The following PLB1 variants were observed in gnomAD, a reference collection of about 807,000 sequenced individuals.
PLB1 encodes the protein phospholipase B1, also known as phospholipase B1, membrane-associated.
PLB1 carries 242 observed loss-of-function variants against 227.4 expected under a neutral mutation model. The observed-to-expected ratio is 1.06, with a 90% CI of 0.96 to 1.18. The LOEUF is 1.18. Ranked by LOEUF, PLB1 falls within the 50% of genes most tolerant of loss-of-function variation. The pLI, the probability that PLB1 is intolerant of heterozygous loss-of-function variation, is 0.00. For missense variants in PLB1, 1,858 were observed against 1,816.3 expected (o/e 1.02, Z -0.42); for synonymous variants, 757 against 682.2 (o/e 1.11, Z -1.71).
At chr2:28,628,979 C>A in intron 52 of PLB1, 115 bp from the exon 53 acceptor site, 1 of 821,462 alleles carries the variant, frequency 1.2e-6, no homozygotes, top group Non-Finnish European at 1.9e-6. Flanking sequence ...CCTCTCTGGG[C>A]CTCAGTTTCT....
Position 28,636,399 on chromosome 2 carries a change from C to T in PLB1, c.4098+3360C>T, listed in dbSNP as rs72850499. Among the ~76,000 whole-genome samples the T allele has an allele frequency of 3.0e-3, 450 of 152,216 alleles. 4 individuals are homozygous for T. Among genetic ancestry groups the T allele is most frequent in the African/African-American group, 0.01 (426 of 41,530 alleles). On this transcript the variant is annotated intron_variant, in intron 56 of 57. Coordinates refer to ENST00000327757, the MANE Select transcript of PLB1 (RefSeq NM_153021.5). ...TTTTAAAACAATTAGTGCCTACAGC[C>T]ACTTTGGAAAATTCTTTGGTATATT...
intron 6 of PLB1, among the ~76,000 whole-genome samples, chr2:28,528,206 C>T (rs1023343637): frequency 1.3e-5 from 2 of 152,192 alleles, no homozygotes; most frequent in Admixed American, 6.5e-5. Context: ...TGTCAGCCTC[C>T]TTCACAGGGA....
chr2:28,630,676 A>G lies in PLB1; in HGVS notation c.3897+12A>G, dbSNP rs1171547426. 6.2e-7 allele frequency: 1 copy of G among 1,605,700 alleles called. No individual in the cohort carries two copies. Among genetic ancestry groups the G allele is most frequent in the Non-Finnish European group, 8.5e-7 (1 of 1,175,770 alleles). ...ACTGGAACCTCCAGGTAAGCCCTGC[A>G]GCCCTTCTCTTACTGACCCAGCTGG... On this transcript the variant is annotated intron_variant, in intron 54 of 57. Transcript: ENST00000327757.
chr2:28,560,879 C>T (rs1225408100), intron 17 of PLB1, among the ~76,000 whole-genome samples: 1 of 152,228 alleles, frequency 6.6e-6, no homozygotes, highest in South Asian at 2.1e-4. Context: ...TTTGCTCTCT[C>T]ATATATGCTT....
At chr2:28,596,220 C>T (rs933577400) in intron 33 of PLB1, among the ~76,000 whole-genome samples, 4 of 152,178 alleles carry the variant, frequency 2.6e-5, no homozygotes, top group African/African-American at 9.7e-5. Context: ...TTGAGTGTAA[C>T]ATAAATGATA....
At position 28,632,933 on chromosome 2, in the gene PLB1, G is replaced by T; in HGVS notation, c.4003-11G>T. 6.2e-7 allele frequency: 1 copy of T among 1,607,984 alleles called. No homozygotes were observed. Among genetic ancestry groups the T allele is most frequent in the Middle Eastern group, 1.7e-4 (1 of 6,044 alleles). On this transcript the variant is annotated splice_polypyrimidine_tract_variant and intron_variant, in intron 55 of 57. Coordinates refer to ENST00000327757, the MANE Select transcript of PLB1 (RefSeq NM_153021.5). ...TTCCCAGGATGATAACCTCCTTGCCGTTGGTTGCAGAGAGGGGACACTGAC... is the reference window on the plus strand; with the variant it reads ...TTCCCAGGATGATAACCTCCTTGCCTTTGGTTGCAGAGAGGGGACACTGAC...
chr2:28,626,518 C>T lies in PLB1; in HGVS notation c.3660+10C>T, dbSNP rs1467623336. On this transcript the variant is annotated intron_variant, in intron 51 of 57. Coordinates refer to ENST00000327757, the MANE Select transcript of PLB1 (RefSeq NM_153021.5). ...TTACTGTGAGAATCCGGTAGGCCCC[C>T]GACCAACCCCATGGGGACCTGAGAA... The T allele has an allele frequency of 2.2e-5, 36 of 1,611,866 alleles. No homozygotes were observed. Among genetic ancestry groups the T allele is most frequent in the Admixed American group, 5.0e-5 (3 of 60,010 alleles).
At chr2:28,619,076 A>G (rs1033956864) in intron 46 of PLB1, among the ~76,000 whole-genome samples, 1 of 152,210 alleles carries the variant, frequency 6.6e-6, no homozygotes, top group Admixed American at 6.5e-5. Flanking sequence ...TCAGGGGTAC[A>G]TGTGCAGGTT....
intron 1 of PLB1, among the ~76,000 whole-genome samples, chr2:28,514,407 T>C (rs1668604417): frequency 6.6e-6 from 1 of 152,232 alleles, no homozygotes; most frequent in Admixed American, 6.5e-5. Context: ...CAATATTGTG[T>C]TGGCTCTTCT....
chr2:28,577,451 C>T (rs183053754), intron 21 of PLB1, among the ~76,000 whole-genome samples: 18 of 152,342 alleles, frequency 1.2e-4, no homozygotes, highest in Non-Finnish European at 4.4e-5. Context: ...ATGACATGTG[C>T]ATGATGTGAA....
intron 56 of PLB1, chr2:28,633,385 T>C (rs948905161): frequency 7.7e-6 from 2 of 260,944 alleles, no homozygotes; most frequent in African/African-American, 4.4e-5. Flanking sequence ...ACGATCTCTC[T>C]GGCCACCTGT....
chr2:28,509,567 C>T (rs1196861264), intron 1 of PLB1, among the ~76,000 whole-genome samples: 2 of 152,164 alleles, frequency 1.3e-5, no homozygotes, highest in African/African-American at 2.4e-5. Context: ...GTGGTCACAG[C>T]CCTGTCCAAC....
intron 18 of PLB1, among the ~76,000 whole-genome samples, chr2:28,564,815 T>G (rs1404269786): frequency 6.6e-6 from 1 of 152,222 alleles, no homozygotes; most frequent in Non-Finnish European, 1.5e-5. Context: ...CATTGTGCTT[T>G]CTTCAGCTGA....
intron 4 of PLB1, among the ~76,000 whole-genome samples, chr2:28,521,394 C>A (rs1377098812): frequency 6.6e-6 from 1 of 152,164 alleles, no homozygotes; most frequent in African/African-American, 2.4e-5. Flanking sequence ...ATATTCCCAC[C>A]AACAGTGCAC....
At chr2:28,531,964 T>A in intron 8 of PLB1, 144 bp from the exon 9 acceptor site, 1 of 619,020 alleles carries the variant, frequency 1.6e-6, no homozygotes, top group South Asian at 2.2e-5. Flanking sequence ...TTTAAACTCC[T>A]GCCATATACT....
intron 22 of PLB1, among the ~76,000 whole-genome samples, chr2:28,578,364 G>T (rs933929229): frequency 3.5e-4 from 53 of 152,210 alleles, no homozygotes; most frequent in Admixed American, 6.5e-4. Context: ...CAGGCATCAG[G>T]CTGGGGCTGC....
At chr2:28,596,848 C>G (rs1057134950) in intron 33 of PLB1, among the ~76,000 whole-genome samples, 2 of 152,250 alleles carry the variant, frequency 1.3e-5, no homozygotes, top group African/African-American at 4.8e-5. Context: ...TCCTTGACCA[C>G]TCTGGCATGC....
Position 28,509,639 on chromosome 2 carries a change from C to A in PLB1, c.56-7169C>A, listed in dbSNP as rs1168059525. On this transcript the variant is annotated intron_variant, in intron 1 of 57. Coordinates refer to ENST00000327757, the MANE Select transcript of PLB1 (RefSeq NM_153021.5). Reference sequence around the variant, plus strand: ...GCATACACAAGTGTTTTTTTTCTTGCATTCCCATCAGGATAGAAAAGTGCT... The same window carrying A: ...GCATACACAAGTGTTTTTTTTCTTGAATTCCCATCAGGATAGAAAAGTGCT... 2.0e-5 allele frequency among the ~76,000 whole-genome samples: 3 copies of A among 152,162 alleles called. No individual in the cohort carries two copies. The East Asian group carries it at 5.8e-4, about 29-fold the overall frequency.
rs1407914056 is a variant in PLB1, at chr2:28,601,976, G to A, written c.2673+12G>A. ...TCCTGCATAGAGAGGTGGGTGGGGG[G>A]CTTCCACAAGCTGGTAACAGCTCAA... On this transcript the variant is annotated intron_variant, in intron 38 of 57. Transcript: ENST00000327757. 1.3e-6 allele frequency: 2 copies of A among 1,599,796 alleles called. No homozygotes were observed. Among genetic ancestry groups the A allele is most frequent in the Non-Finnish European group, 1.7e-6 (2 of 1,167,396 alleles).
Sources: allele counts gnomAD v4.1 joint callset (sites outside exome capture counted in the v4.1 genomes callset), GRCh38; gene constraint gnomAD v4.1.1; transcripts MANE v1.5; gene names NCBI Gene and HGNC (gene_info 2026-07-23, HGNC 2026-07-21).